The following HSF2BP variants were observed in gnomAD, a reference collection of about 807,000 sequenced individuals.
HSF2BP encodes heat shock factor 2-binding protein.
In HSF2BP, 35 loss-of-function variants were observed where a neutral mutation model predicts 35.0. The ratio of observed to expected loss-of-function variants is 1.00; its 90% CI spans 0.76 to 1.32. HSF2BP has a LOEUF of 1.32. Ranked by LOEUF, HSF2BP falls within the 40% of genes most tolerant of loss-of-function variation. The pLI is 0.00. For missense variants in HSF2BP, 326 were observed against 321.7 expected (o/e 1.01, Z -0.10); for synonymous variants, 114 against 117.4 (o/e 0.97, Z 0.18).
intron 6 of HSF2BP, among the ~76,000 whole-genome samples, chr21:43,628,232 C>A (rs2082412699): frequency 6.6e-6 from 1 of 152,208 alleles, no homozygotes; most frequent in Admixed American, 6.5e-5. Flanking sequence ...CTGAGACCTG[C>A]TGAAAGTTAG....
At chr21:43,595,758 T>G (rs970715580) in intron 7 of HSF2BP, among the ~76,000 whole-genome samples, 1 of 129,808 alleles carries the variant, frequency 7.7e-6, no homozygotes, top group Admixed American at 7.6e-5. Flanking sequence ...TTTTTTTTTT[T>G]TGTGAAACAG....
intron 7 of HSF2BP, among the ~76,000 whole-genome samples, chr21:43,599,768 T>C (rs915075244): frequency 1.3e-5 from 2 of 149,722 alleles, no homozygotes; most frequent in African/African-American, 5.0e-5. Context: ...TACTACAGCC[T>C]GGGCAATAAA....
chr21:43,653,780 G>A (rs886587540), intron 3 of HSF2BP, among the ~76,000 whole-genome samples: 2 of 152,196 alleles, frequency 1.3e-5, no homozygotes, highest in African/African-American at 2.4e-5. Flanking sequence ...CCGCCAGGAG[G>A]AGGCAGAACA....
chr21:43,649,964 ACTC>A (rs2082760770), intron 3 of HSF2BP, among the ~76,000 whole-genome samples: 1 of 152,006 alleles, frequency 6.6e-6, no homozygotes, highest in Admixed American at 6.5e-5. Context: ...ACCATCTGCA[ACTC>A]CTTATCTGTG....
intron 6 of HSF2BP, among the ~76,000 whole-genome samples, chr21:43,616,482 A>T (rs1396076569): frequency 1.3e-5 from 2 of 152,122 alleles, no homozygotes; most frequent in African/African-American, 4.8e-5. Flanking sequence ...TGTCTCTACT[A>T]AAAATACGAA....
chr21:43,650,169 G>A (rs2082763758), intron 3 of HSF2BP, among the ~76,000 whole-genome samples: 1 of 152,122 alleles, frequency 6.6e-6, no homozygotes, highest in Non-Finnish European at 1.5e-5. Context: ...AGAAGATACA[G>A]TTTTCATCTA....
At chr21:43,641,633 T>G (rs867045159) in intron 4 of HSF2BP, among the ~76,000 whole-genome samples, 2 of 152,240 alleles carry the variant, frequency 1.3e-5, no homozygotes, top group Middle Eastern at 6.8e-3. Context: ...CTTTTCCTAG[T>G]AATTTTTCAC....
intron 4 of HSF2BP, 38 bp downstream of exon 4, chr21:43,644,251 T>C (rs1568938767): frequency 3.3e-6 from 5 of 1,510,408 alleles, no homozygotes; most frequent in Non-Finnish European, 3.7e-6. Flanking sequence ...CCAGCCCCAC[T>C]TTCTGGCTTG....
rs1225193987 is a variant in HSF2BP, at chr21:43,592,395, A to C, written c.693-67T>G. 9.9e-6 allele frequency: 10 copies of C among 1,008,020 alleles called. No homozygotes were observed. In the African/African-American group the frequency reaches 1.4e-4, roughly 14 times the overall value. The allele number at this position is 1,008,020 out of a possible 1,614,324, so 62.4% of individuals were successfully genotyped here. A position where few individuals can be genotyped will look rare whatever the true frequency, so the allele number is the denominator to read the frequency against. Reference sequence around the variant, plus strand: ...ACTACATTTCACCCTAAACATACCTACTAGTTAAGAGGAACTTAACGTATT... The same window carrying C: ...ACTACATTTCACCCTAAACATACCTCCTAGTTAAGAGGAACTTAACGTATT... On this transcript the variant is annotated intron_variant, in intron 7 of 8. Coordinates refer to ENST00000291560, the MANE Select transcript of HSF2BP (RefSeq NM_007031.2).
At chr21:43,609,173 C>T (rs2082171970) in intron 7 of HSF2BP, among the ~76,000 whole-genome samples, 1 of 152,114 alleles carries the variant, frequency 6.6e-6, no homozygotes, top group Non-Finnish European at 1.5e-5. Flanking sequence ...GTGAATTAAT[C>T]CAGAAGTAGA....
chr21:43,603,663 G>C (rs1480216902), intron 7 of HSF2BP, among the ~76,000 whole-genome samples: 1 of 152,174 alleles, frequency 6.6e-6, no homozygotes, highest in African/African-American at 2.4e-5. Context: ...CAGTCATCCT[G>C]CTGGCAGCAC....
intron 3 of HSF2BP, 24 bp downstream of exon 3, chr21:43,656,563 T>A (rs945099230): frequency 3.8e-5 from 61 of 1,600,226 alleles, no homozygotes; most frequent in Non-Finnish European, 4.9e-5. Context: ...TTACCACCAA[T>A]GACTGCTGAA....
chr21:43,655,841 G>A (rs569696421), intron 3 of HSF2BP, among the ~76,000 whole-genome samples: 19 of 152,284 alleles, frequency 1.2e-4, no homozygotes, highest in African/African-American at 3.4e-4. Flanking sequence ...GACCAGATAC[G>A]TTTGCACATG....
intron 8 of HSF2BP, among the ~76,000 whole-genome samples, chr21:43,580,105 G>A (rs1269981450): frequency 1.3e-5 from 2 of 152,162 alleles, no homozygotes; most frequent in African/African-American, 4.8e-5. Flanking sequence ...TCCCTACACT[G>A]CCAGTCTTTC....
intron 7 of HSF2BP, among the ~76,000 whole-genome samples, chr21:43,594,037 G>A (rs949114073): frequency 6.6e-6 from 1 of 152,254 alleles, no homozygotes; most frequent in Non-Finnish European, 1.5e-5. Context: ...AAAGCAGCCA[G>A]AGAGAAAGGA....
intron 4 of HSF2BP, among the ~76,000 whole-genome samples, chr21:43,636,696 A>G (rs1337104869): frequency 6.6e-6 from 1 of 152,136 alleles, no homozygotes; most frequent in African/African-American, 2.4e-5. Context: ...GTTTAGGACC[A>G]GTCTGGCCAA....
chr21:43,581,838 G>GCTGAGGGAGATGAGGGCCTC (rs2081738433), intron 8 of HSF2BP, among the ~76,000 whole-genome samples: 4 of 151,024 alleles, frequency 2.6e-5, no homozygotes, highest in African/African-American at 9.7e-5. Flanking sequence ...ATGAGGGCCT[G>GCTGAGGGAGATGAGGGCCTC]CTGAGGGAGA....
intron 7 of HSF2BP, among the ~76,000 whole-genome samples, chr21:43,599,858 T>C (rs1161089762): frequency 8.2e-6 from 1 of 121,806 alleles, no homozygotes; most frequent in African/African-American, 3.4e-5. Flanking sequence ...AGACTTTTTC[T>C]TCCAATGACA....
intron 5 of HSF2BP, among the ~76,000 whole-genome samples, chr21:43,632,835 G>A (rs895341164): frequency 2.0e-5 from 3 of 151,970 alleles, no homozygotes; most frequent in African/African-American, 4.8e-5. Flanking sequence ...GGGGGTCAGC[G>A]CCTCCAACCT....
Sources: gnomAD v4.1 joint callset for allele counts (sites outside exome capture counted in the v4.1 genomes callset) on GRCh38, gnomAD v4.1.1 for gene constraint, MANE v1.5 for transcripts, NCBI Gene and HGNC (gene_info 2026-07-23, HGNC 2026-07-21) for gene names.